The following PEX14 variants were observed in gnomAD, a reference collection of about 807,000 sequenced individuals.
PEX14 encodes the protein peroxisomal membrane protein PEX14.
In PEX14, 15 loss-of-function variants were observed where a neutral mutation model predicts 49.5. The observed-to-expected ratio is 0.30, with a 90% confidence interval of 0.20 to 0.47. The LOEUF is 0.47. Among genes scored for constraint, PEX14 ranks in the 20% least tolerant of loss-of-function variants. The pLI is 1.00. For synonymous variants in PEX14, 210 were observed against 212.7 expected, an observed-to-expected ratio of 0.99 and a Z score of 0.11; for missense variants, 398 against 494.8, an observed-to-expected ratio of 0.80 and a Z score of 1.86.
At chr1:10,501,446 C>T (rs2124415586) in intron 2 of PEX14, among the ~76,000 whole-genome samples, 1 of 152,290 alleles carries the variant, frequency 6.6e-6, no homozygotes, top group East Asian at 1.9e-4. Context: ...GCTGGGACTA[C>T]AGGCGCCCGC....
intron 2 of PEX14, among the ~76,000 whole-genome samples, chr1:10,509,085 C>T (rs888085561): frequency 3.3e-5 from 5 of 152,172 alleles, no homozygotes; most frequent in Admixed American, 6.5e-5. Flanking sequence ...TACAGGCGCC[C>T]GCCGCCACGT....
chr1:10,487,861 A>T (rs1251756082), intron 1 of PEX14, among the ~76,000 whole-genome samples: 1 of 151,550 alleles, frequency 6.6e-6, no homozygotes, highest in East Asian at 1.9e-4. Flanking sequence ...GCTTACTGCA[A>T]CTTCTGCCTC....
chr1:10,586,628 C>A (rs1352503684), intron 3 of PEX14, among the ~76,000 whole-genome samples: 1 of 93,010 alleles, frequency 1.1e-5, no homozygotes, highest in African/African-American at 3.5e-5. Context: ...AGCCGTTTAC[C>A]TTTTTTTTTT....
chr1:10,537,344 C>A lies in PEX14; in HGVS notation c.169+1047C>A, dbSNP rs562016458. 2.3e-4 allele frequency among the ~76,000 whole-genome samples: 15 copies of A among 64,312 alleles called. 2 individuals are homozygous for A. Among genetic ancestry groups the A allele is most frequent in the African/African-American group, 7.3e-4 (14 of 19,164 alleles). The allele number at this position is 64,312 out of a possible 152,430, so 42.2% of individuals were successfully genotyped here. Reference sequence around the variant, plus strand: ...TCACTGGCTGCATTGTGCCAGCACCCCCCCCCCCCGCCATCATTAGGAGAT... The same window carrying A: ...TCACTGGCTGCATTGTGCCAGCACCACCCCCCCCCGCCATCATTAGGAGAT... On this transcript the variant is annotated intron_variant, in intron 3 of 8. Transcript: ENST00000356607.
intron 2 of PEX14, among the ~76,000 whole-genome samples, chr1:10,511,742 T>C (rs1641887218): frequency 6.6e-6 from 1 of 152,160 alleles, no homozygotes; most frequent in Non-Finnish European, 1.5e-5. Context: ...TTCTGTGGCC[T>C]GTGAGATCTC....
chr1:10,475,831 G>C (rs543515739), intron 1 of PEX14, among the ~76,000 whole-genome samples: 1 of 152,210 alleles, frequency 6.6e-6, no homozygotes, highest in Non-Finnish European at 1.5e-5. Context: ...TGCCTGTGTG[G>C]TGTCATGTTG....
At chr1:10,605,441 A>T (rs1325189833) in intron 4 of PEX14, among the ~76,000 whole-genome samples, 1 of 152,222 alleles carries the variant, frequency 6.6e-6, no homozygotes, top group Admixed American at 6.5e-5. Flanking sequence ...ATTTGAGAAC[A>T]AAGGAAATTC....
At chr1:10,488,882 C>T (rs1434489341) in intron 1 of PEX14, among the ~76,000 whole-genome samples, 1 of 152,156 alleles carries the variant, frequency 6.6e-6, no homozygotes, top group Admixed American at 6.5e-5. Flanking sequence ...AGTTGTAACA[C>T]CTGTCTTACT....
intron 3 of PEX14, among the ~76,000 whole-genome samples, chr1:10,538,862 G>C (rs767552244): frequency 9.9e-5 from 15 of 152,228 alleles, no homozygotes; most frequent in Non-Finnish European, 1.3e-4. Context: ...TGGGCTCTGG[G>C]AGGGCTCTCA....
At chr1:10,607,053 C>A (rs542207688) in intron 4 of PEX14, among the ~76,000 whole-genome samples, 10 of 152,302 alleles carry the variant, frequency 6.6e-5, no homozygotes, top group African/African-American at 2.4e-4. Context: ...TTGAGGGCAA[C>A]CACTGATCTG....
chr1:10,582,205 G>GATT (rs942848553), intron 3 of PEX14, among the ~76,000 whole-genome samples: 11 of 151,928 alleles, frequency 7.2e-5, no homozygotes, highest in Admixed American at 7.2e-4. Context: ...GGAAAAAAGG[G>GATT]ATTATCATGA....
intron 2 of PEX14, among the ~76,000 whole-genome samples, chr1:10,518,007 C>T (rs889856712): frequency 5.9e-5 from 9 of 152,140 alleles, no homozygotes; most frequent in African/African-American, 2.2e-4. Context: ...TCATGCGTTA[C>T]TTTTCCATGT....
intron 2 of PEX14, among the ~76,000 whole-genome samples, chr1:10,528,840 C>T (rs866218888): frequency 2.6e-5 from 4 of 152,212 alleles, no homozygotes; most frequent in East Asian, 1.9e-4. Context: ...GTTCCTGGCA[C>T]GCTGGCCAAA....
rs1557854791 is a variant in PEX14 at position 10,577,552 on chromosome 1, A to ATG, written c.170-21685_170-21684insGT. Among the ~76,000 whole-genome samples, 87 of 9,222 alleles carry ATG rather than the reference A, an allele frequency of 9.4e-3. 7 individuals are homozygous for ATG. Among genetic ancestry groups the ATG allele is most frequent in the African/African-American group, 0.024 (82 of 3,370 alleles). The allele number at this position is 9,222 out of a possible 152,430, so 6.0% of individuals were successfully genotyped here. A position where few individuals can be genotyped will look rare whatever the true frequency, so the allele number is the denominator to read the frequency against. Reference sequence around the variant, plus strand: ...TACATATATATATATATATATATATATATATATATATTTTTTTTTTTTTTT... The same window carrying ATG: ...TACATATATATATATATATATATATATGTATATATATATTTTTTTTTTTTTTT... On this transcript the variant is annotated intron_variant, in intron 3 of 8. Transcript: ENST00000356607.
chr1:10,477,425 C>T lies in PEX14; in HGVS notation c.36+2423C>T, dbSNP rs565259174. On this transcript the variant is annotated intron_variant, in intron 1 of 8. Coordinates refer to ENST00000356607, the MANE Select transcript of PEX14 (RefSeq NM_004565.3). ...GGCTATCTAACAAGAAGCAAATGCA[C>T]GCTTTTTGAATGAACCAATGCTCTT... 5.9e-5 allele frequency among the ~76,000 whole-genome samples: 9 copies of T among 152,314 alleles called. No homozygotes were observed. In the East Asian group the frequency reaches 1.7e-3, roughly 29 times the overall value.
Position 10,624,455 on chromosome 1 carries a change from A to ACAGGGCCCTC in PEX14, c.585+23_585+32dup, listed in dbSNP as rs566024461. 1,507 of 1,546,852 alleles carry ACAGGGCCCTC rather than the reference A, an allele frequency of 9.7e-4. 5 individuals carry two copies. Among genetic ancestry groups the ACAGGGCCCTC allele is most frequent in the Non-Finnish European group, 1.2e-3 (1,391 of 1,119,334 alleles). On this transcript the variant is annotated intron_variant, in intron 7 of 8. Transcript: ENST00000356607. ...CTGCCAAGGTACCTGTCTCTGCTGC[A>ACAGGGCCCTC]CAGGGCCCTCCAGGCCCAGGTCTGT... is the stretch of plus-strand genomic sequence containing the variant.
At chr1:10,489,260 C>T (rs1570140834) in intron 1 of PEX14, among the ~76,000 whole-genome samples, 1 of 152,126 alleles carries the variant, frequency 6.6e-6, no homozygotes, top group Non-Finnish European at 1.5e-5. Context: ...GGATTACAGG[C>T]GTGAGCTACC....
chr1:10,525,788 G>C (rs532658540), intron 2 of PEX14, among the ~76,000 whole-genome samples: 1 of 151,986 alleles, frequency 6.6e-6, no homozygotes, highest in Non-Finnish European at 1.5e-5. Context: ...ACCACACCCG[G>C]CTAATTTTTG....
chr1:10,481,928 C>T (rs111880532), intron 1 of PEX14, among the ~76,000 whole-genome samples: 7,013 of 150,254 alleles, frequency 0.047, 407 homozygotes, highest in African/African-American at 0.12. Flanking sequence ...CTCAAGCCAT[C>T]CTCCTACCTC....
Sources: gnomAD v4.1 joint callset for allele counts (sites outside exome capture counted in the v4.1 genomes callset) on GRCh38, gnomAD v4.1.1 for gene constraint, MANE v1.5 for transcripts, NCBI Gene and HGNC (gene_info 2026-07-23, HGNC 2026-07-21) for gene names.